Variants in HDAC9 observed in about 807,000 individuals in gnomAD.
HDAC9 encodes histone deacetylase 9.
In HDAC9, 41 loss-of-function variants were observed where a neutral mutation model predicts 139.4. The observed-to-expected ratio is 0.29, with a 90% CI of 0.23 to 0.38. HDAC9 has a LOEUF of 0.38. Among genes scored for constraint, HDAC9 ranks in the 10% least tolerant of loss-of-function variants. The pLI is 1.00. For missense variants in HDAC9, 1,147 were observed against 1,297.0 expected, an observed-to-expected ratio of 0.88 and a Z score of 1.78; for synonymous variants, 517 against 476.2, an observed-to-expected ratio of 1.09 and a Z score of -1.12.
At position 18,678,944 on chromosome 7, in the gene HDAC9, T is replaced by C. The variant is rs367710585; in HGVS notation, c.1731+12468T>C. On this transcript the variant is annotated intron_variant, in intron 12 of 25. Transcript: ENST00000686413. The stretch of plus-strand genomic sequence containing the variant: ...CTTTACACTCAACTTGGTTTCTCTC[T>C]TGCTCCCTAATTTGTGAGTTCTCTG... 9.4e-4 allele frequency among the ~76,000 whole-genome samples: 143 copies of C among 152,068 alleles called. 3 individuals carry two copies. The South Asian group carries it at 0.028, about 30-fold the overall frequency.
intron 21 of HDAC9, among the ~76,000 whole-genome samples, chr7:18,866,142 A>G (rs567240819): frequency 1.3e-4 from 20 of 149,326 alleles, no homozygotes; most frequent in African/African-American, 3.5e-4. Context: ...ATTTCCAACC[A>G]TCTTTCCTTT....
chr7:18,955,914 A>G (rs1405739619), intron 24 of HDAC9, among the ~76,000 whole-genome samples: 1 of 152,168 alleles, frequency 6.6e-6, no homozygotes, highest in Non-Finnish European at 1.5e-5. Context: ...CTATTTCCAC[A>G]TAGGTATAAA....
Position 18,374,199 on chromosome 7 carries a change from GTATA to G in HDAC9, c.-42+83701_-42+83704del, listed in dbSNP as rs371983993. Among the ~76,000 whole-genome samples the G allele has an allele frequency of 9.2e-3, 1,323 of 143,080 alleles. 25 individuals carry two copies. Among genetic ancestry groups the G allele is most frequent in the African/African-American group, 0.031 (1,231 of 39,146 alleles). The allele number at this position is 143,080 out of a possible 152,430, so 93.9% of individuals were successfully genotyped here. On this transcript the variant is annotated intron_variant, in intron 1 of 3. Transcript: ENST00000413509. ...ATAAATCTAGTGTGTATGTATGTGTGTATATATATATATATATATACACACACAC... is the reference window on the plus strand; with the variant it reads ...ATAAATCTAGTGTGTATGTATGTGTGTATATATATATATATACACACACAC...
At chr7:18,988,171 A>C (rs559043826) in intron 25 of HDAC9, among the ~76,000 whole-genome samples, 11 of 151,650 alleles carry the variant, frequency 7.3e-5, no homozygotes, top group African/African-American at 2.2e-4. Flanking sequence ...TCAATTTTGG[A>C]TCTTTCCTGC....
At chr7:18,250,700 T>G (rs1218566918) in intron 2 of HDAC9, among the ~76,000 whole-genome samples, 2 of 152,222 alleles carry the variant, frequency 1.3e-5, no homozygotes, top group African/African-American at 4.8e-5. Context: ...ATCACCACAC[T>G]GTCTTCCACA....
intron 12 of HDAC9, 93 bp downstream of exon 12, chr7:18,666,569 C>T (rs1199202600): frequency 6.6e-7 from 1 of 1,518,980 alleles, no homozygotes; most frequent in African/African-American, 1.4e-5. Flanking sequence ...ATATGATTTC[C>T]TATCAGTTTA....
intron 2 of HDAC9, among the ~76,000 whole-genome samples, chr7:18,537,856 G>A (rs1811402845): frequency 6.6e-6 from 1 of 152,170 alleles, no homozygotes; most frequent in Admixed American, 6.5e-5. Context: ...TTGAACTTGA[G>A]CACTTCAGTT....
intron 1 of HDAC9, among the ~76,000 whole-genome samples, chr7:18,324,500 C>T (rs561716004): frequency 6.6e-6 from 1 of 152,230 alleles, no homozygotes; most frequent in East Asian, 1.9e-4. Context: ...GCTAATTAGG[C>T]ATTTCTCTCA....
rs112160669 is a variant in HDAC9, at chr7:18,971,676, T to C, written c.3023-4130T>C. Among the ~76,000 whole-genome samples, 1,341 of 152,350 alleles carry C rather than the reference T, an allele frequency of 8.8e-3. 27 individuals are homozygous for C. The highest frequency in any genetic ancestry group is 0.031 in the African/African-American group (1,290 of 41,592). On this transcript the variant is annotated intron_variant, in intron 24 of 25. Transcript: ENST00000686413. ...TAGTCGTCTATAAATGCATTATTAATGTAGAATATTTCCCTTGTTTTTATA... is the reference window on the plus strand; with the variant it reads ...TAGTCGTCTATAAATGCATTATTAACGTAGAATATTTCCCTTGTTTTTATA...
At chr7:18,235,436 G>A (rs1174229467) in intron 2 of HDAC9, among the ~76,000 whole-genome samples, 1 of 152,182 alleles carries the variant, frequency 6.6e-6, no homozygotes, top group Non-Finnish European at 1.5e-5. Context: ...TAATGTCACT[G>A]AACATGGGGT....
chr7:18,904,940 C>T (rs1051815511), intron 22 of HDAC9, among the ~76,000 whole-genome samples: 7 of 151,602 alleles, frequency 4.6e-5, no homozygotes, highest in Non-Finnish European at 8.8e-5. Context: ...GGTCTATTGC[C>T]CAGGCTGGAG....
At chr7:18,103,199 G>T (rs529945739) in intron 1 of HDAC9, among the ~76,000 whole-genome samples, 8 of 152,138 alleles carry the variant, frequency 5.3e-5, no homozygotes, top group African/African-American at 1.9e-4. Flanking sequence ...ACAGTATGGG[G>T]GAAACCAACC....
chr7:18,269,798 G>T lies in HDAC9; in HGVS notation c.25+107449G>T, dbSNP rs553951343. On this transcript the variant is annotated intron_variant, in intron 2 of 12. Transcript: ENST00000417496. Reference sequence around the variant, plus strand: ...CACACATATATATGCATGGGAACCAGGATTGCCTCCTCCTAGTTGGGCTGC... The same window carrying T: ...CACACATATATATGCATGGGAACCATGATTGCCTCCTCCTAGTTGGGCTGC... 2.0e-5 allele frequency among the ~76,000 whole-genome samples: 3 copies of T among 152,184 alleles called. No homozygotes were observed. The East Asian group carries it at 5.8e-4, about 29-fold the overall frequency.
At chr7:18,500,966 A>G (rs766242045) in intron 2 of HDAC9, among the ~76,000 whole-genome samples, 3 of 152,150 alleles carry the variant, frequency 2.0e-5, no homozygotes, top group Non-Finnish European at 2.9e-5. Context: ...CATTAGAAAT[A>G]GAAGAAAACA....
At chr7:18,476,741 ATC>A (rs1481923386) in intron 1 of HDAC9, among the ~76,000 whole-genome samples, 1 of 152,130 alleles carries the variant, frequency 6.6e-6, no homozygotes, top group African/African-American at 2.4e-5. Flanking sequence ...TTATCTGTAT[ATC>A]TCTGTTTCAA....
At chr7:18,430,726 C>A (rs1193388590) in intron 1 of HDAC9, 4 of 148,702 alleles carry the variant, frequency 2.7e-5, no homozygotes, top group African/African-American at 4.9e-5. Context: ...TACTAAAATA[C>A]AAAAAAAAAA....
At chr7:18,740,333 AT>A (rs1249895399) in intron 13 of HDAC9, among the ~76,000 whole-genome samples, 3 of 152,270 alleles carry the variant, frequency 2.0e-5, no homozygotes, top group African/African-American at 7.2e-5. Context: ...AAATGCAGAA[AT>A]CCCCCATCTT....
intron 1 of HDAC9, among the ~76,000 whole-genome samples, chr7:18,313,647 T>G (rs1799459710): frequency 1.3e-5 from 2 of 152,204 alleles, no homozygotes; most frequent in Admixed American, 6.5e-5. Flanking sequence ...TGTGATGTGT[T>G]AGGTGAAAAT....
At chr7:18,265,100 A>C (rs151274564) in intron 2 of HDAC9, among the ~76,000 whole-genome samples, 13 of 152,280 alleles carry the variant, frequency 8.5e-5, no homozygotes, top group Non-Finnish European at 7.4e-5. Flanking sequence ...TGAAGAATGG[A>C]AAGGACTTTT....
Sources: allele counts gnomAD v4.1 joint callset (sites outside exome capture counted in the v4.1 genomes callset), GRCh38; gene constraint gnomAD v4.1.1; transcripts MANE v1.5; gene names NCBI Gene and HGNC (gene_info 2026-07-23, HGNC 2026-07-21).